The following GYG1 variants were observed in gnomAD, a reference collection of about 807,000 sequenced individuals.
GYG1 encodes the protein glycogenin 1, also known as glycogenin-1.
In GYG1, 44 loss-of-function variants were observed where a neutral mutation model predicts 41.9. The observed-to-expected ratio is 1.05, with a 90% CI of 0.83 to 1.35. The LOEUF (loss-of-function observed/expected upper bound fraction) is 1.35, where lower values mean the gene tolerates loss of function less well. GYG1 is among the 40% of genes most tolerant of loss of function. The pLI, the probability that GYG1 is intolerant of heterozygous loss-of-function variation, is 0.00. For missense variants in GYG1, 429 were observed against 418.9 expected, an observed-to-expected ratio of 1.02 and a Z score of -0.21; for synonymous variants, 141 against 158.1, an observed-to-expected ratio of 0.89 and a Z score of 0.81.
At chr3:148,993,351 T>A (rs552643303) in intron 1 of GYG1, among the ~76,000 whole-genome samples, 14 of 152,124 alleles carry the variant, frequency 9.2e-5, no homozygotes, top group East Asian at 5.8e-4. Flanking sequence ...GACCTGCACC[T>A]TCTTCTCCAA....
intron 4 of GYG1, among the ~76,000 whole-genome samples, chr3:149,006,333 G>A (rs1713404936): frequency 2.0e-5 from 3 of 151,856 alleles, no homozygotes; most frequent in Admixed American, 2.0e-4. Flanking sequence ...CACCCACCTC[G>A]GCCTCCCAAA....
In GYG1 at chr3:149,031,580, GA is replaced by G. The variant is rs1038778609; in HGVS notation, c.*4653del. 6.6e-6 allele frequency: 1 copy of G among 152,190 alleles called. No individual in the cohort carries two copies. Among genetic ancestry groups the G allele is most frequent in the Non-Finnish European group, 1.5e-5 (1 of 67,982 alleles). 9.4% of individuals were successfully genotyped at this position (152,190 alleles called of 1,614,324 possible). ...AGTGTAGTACTACTTAACTAAAATG[GA>G]AAAAATAGTACTCTTAACATAATCC... On this transcript the variant is annotated 3_prime_UTR_variant, in exon 8 of 8. Coordinates refer to ENST00000345003, the MANE Select transcript of GYG1 (RefSeq NM_004130.4).
intron 2 of GYG1, among the ~76,000 whole-genome samples, chr3:148,994,713 T>G (rs1712690278): frequency 6.6e-6 from 1 of 152,230 alleles, no homozygotes; most frequent in Admixed American, 6.5e-5. Context: ...GAAAAGTAGT[T>G]ATTTTATCCA....
chr3:149,015,316 G>C (rs1713960034), intron 5 of GYG1, among the ~76,000 whole-genome samples: 1 of 152,176 alleles, frequency 6.6e-6, no homozygotes, highest in Non-Finnish European at 1.5e-5. Context: ...ACATATGAGA[G>C]TTGTCAGCAT....
intron 5 of GYG1, among the ~76,000 whole-genome samples, chr3:149,016,070 G>T (rs902564821): frequency 6.6e-6 from 1 of 151,854 alleles, no homozygotes; most frequent in African/African-American, 2.4e-5. Context: ...AGACCGTCCT[G>T]GCTAACAGTG....
chr3:149,023,913 T>C, intron 5 of GYG1, 140 bp from the exon 6 acceptor site: 4 of 716,042 alleles, frequency 5.6e-6, no homozygotes, highest in Non-Finnish European at 1.0e-5. Context: ...ACTGTCATGC[T>C]ACTGCACTCC....
chr3:149,009,203 A>T, intron 4 of GYG1, 73 bp from the exon 5 acceptor site: 1 of 1,114,774 alleles, frequency 9.0e-7, no homozygotes, highest in Non-Finnish European at 1.4e-6. Flanking sequence ...TTAAAGGTCC[A>T]GTTATGTGCT....
intron 6 of GYG1, among the ~76,000 whole-genome samples, chr3:149,024,964 T>C (rs1228940522): frequency 1.3e-5 from 2 of 152,240 alleles, no homozygotes; most frequent in East Asian, 3.8e-4. Flanking sequence ...TATAATCAGA[T>C]AATCAGCTAA....
intron 4 of GYG1, chr3:149,007,908 TAGAA>T (rs1713492130): frequency 6.6e-6 from 1 of 152,204 alleles, no homozygotes; most frequent in Non-Finnish European, 1.5e-5. Context: ...GAGTCTAAAA[TAGAA>T]AGCACATGAA....
At chr3:149,017,582 GTTTTTTT>G (rs58075146) in intron 5 of GYG1, among the ~76,000 whole-genome samples, 15 of 47,376 alleles carry the variant, frequency 3.2e-4, no homozygotes, top group Non-Finnish European at 5.3e-4. Flanking sequence ...TTTTATTTAG[GTTTTTTT>G]TTTTTTTTTT....
At chr3:149,012,680 G>A (rs1255369936) in intron 5 of GYG1, among the ~76,000 whole-genome samples, 1 of 151,450 alleles carries the variant, frequency 6.6e-6, no homozygotes, top group Non-Finnish European at 1.5e-5. Flanking sequence ...CACTTCGAAT[G>A]ACTACTCAAA....
At chr3:149,023,657 C>T (rs538652611) in intron 5 of GYG1, among the ~76,000 whole-genome samples, 2 of 152,308 alleles carry the variant, frequency 1.3e-5, no homozygotes, top group African/African-American at 4.8e-5. Context: ...TTAAAAGTAT[C>T]TGTCTCACAA....
intron 2 of GYG1, among the ~76,000 whole-genome samples, chr3:148,995,195 G>A (rs1712716061): frequency 6.6e-6 from 1 of 152,180 alleles, no homozygotes; most frequent in Non-Finnish European, 1.5e-5. Flanking sequence ...GGGCAACAGA[G>A]TGAGACTCTG....
chr3:148,996,033 A>G (rs1712763329), intron 2 of GYG1, among the ~76,000 whole-genome samples: 1 of 152,234 alleles, frequency 6.6e-6, no homozygotes, highest in Non-Finnish European at 1.5e-5. Context: ...AAAAACCCAG[A>G]AAATGTCTTC....
intron 5 of GYG1, among the ~76,000 whole-genome samples, chr3:149,017,582 G>GTTTTTTTTTTTTTTTTTTTTTT (rs58075146): frequency 2.1e-5 from 1 of 47,382 alleles, no homozygotes; most frequent in African/African-American, 5.5e-5. Context: ...TTTTATTTAG[G>GTTTTTTTTTTTTTTTTTTTTTT]TTTTTTTTTT....
At chr3:149,003,114 A>T (rs886695592) in intron 4 of GYG1, among the ~76,000 whole-genome samples, 41 of 130,056 alleles carry the variant, frequency 3.2e-4, no homozygotes, top group African/African-American at 1.1e-3. Context: ...TTTTACTATA[A>T]TTTTTTTTTT....
At chr3:149,016,134 G>A (rs1015175838) in intron 5 of GYG1, among the ~76,000 whole-genome samples, 3 of 151,770 alleles carry the variant, frequency 2.0e-5, no homozygotes, top group African/African-American at 4.8e-5. Flanking sequence ...GGTGGCGGGC[G>A]CCTGTTGTCC....
At chr3:149,026,716 T>C in intron 7 of GYG1, 44 bp from the exon 8 acceptor site, 1 of 1,395,844 alleles carries the variant, frequency 7.2e-7, no homozygotes, top group Non-Finnish European at 1.0e-6. Context: ...TTAAAACAGT[T>C]TGATTTTCAG....
intron 6 of GYG1, among the ~76,000 whole-genome samples, chr3:149,026,024 C>T (rs151102583): frequency 6.6e-6 from 1 of 152,142 alleles, no homozygotes; most frequent in African/African-American, 2.4e-5. Context: ...CTTATGTTGC[C>T]TCAGCTATAA....
Sources: gnomAD v4.1 joint callset for allele counts (sites outside exome capture counted in the v4.1 genomes callset) on GRCh38, gnomAD v4.1.1 for gene constraint, MANE v1.5 for transcripts, NCBI Gene and HGNC (gene_info 2026-07-23, HGNC 2026-07-21) for gene names.